FOXP2: variants seen among roughly 807,000 people sequenced by gnomAD.
FOXP2 encodes the protein forkhead box P2.
A neutral mutation model predicts 115.8 loss-of-function variants in FOXP2; 12 were observed. The observed-to-expected ratio is 0.10, with a 90% CI of 0.07 to 0.17. The LOEUF is 0.17. Ranked by LOEUF, FOXP2 falls within the 10% of genes least tolerant of loss-of-function variation. FOXP2 has a pLI of 1.00. For missense variants in FOXP2, 629 were observed against 843.5 expected (o/e 0.75, Z 3.15); for synonymous variants, 328 against 297.7 (o/e 1.10, Z -1.05).
At chr7:114,470,579 T>C (rs1168891114) in intron 2 of FOXP2, among the ~76,000 whole-genome samples, 1 of 152,198 alleles carries the variant, frequency 6.6e-6, no homozygotes, top group East Asian at 1.9e-4. Context: ...ACGTAGTAGA[T>C]GTTGGGTCTC....
At chr7:114,094,070 G>T (rs1799595447) in intron 1 of FOXP2, among the ~76,000 whole-genome samples, 1 of 152,102 alleles carries the variant, frequency 6.6e-6, no homozygotes, top group African/African-American at 2.4e-5. Context: ...GGTCAAATCA[G>T]GATCTCTTCT....
At chr7:114,183,016 A>T (rs531424859) in intron 1 of FOXP2, among the ~76,000 whole-genome samples, 3 of 152,144 alleles carry the variant, frequency 2.0e-5, no homozygotes, top group Admixed American at 1.3e-4. Flanking sequence ...CAAAGAGCAC[A>T]TTCCACAGAT....
intron 2 of FOXP2, among the ~76,000 whole-genome samples, chr7:114,466,630 G>A (rs1485232388): frequency 6.6e-6 from 1 of 152,152 alleles, no homozygotes; most frequent in African/African-American, 2.4e-5. Context: ...TCTTGGATTT[G>A]TAAGCTGTCA....
chr7:114,566,984 A>T (rs1480378426), intron 3 of FOXP2, among the ~76,000 whole-genome samples: 1 of 152,010 alleles, frequency 6.6e-6, no homozygotes, highest in Non-Finnish European at 1.5e-5. Context: ...AAATATGAAC[A>T]CACCTATATT....
At chr7:114,311,008 C>T (rs758393847) in intron 2 of FOXP2, among the ~76,000 whole-genome samples, 1 of 152,102 alleles carries the variant, frequency 6.6e-6, no homozygotes, top group African/African-American at 2.4e-5. Context: ...GGCTGTCTGC[C>T]TGCGCATGCT....
In FOXP2 at chr7:114,449,466, G is replaced by A. The variant is rs1004094615; in HGVS notation, c.168+22787G>A. Among the ~76,000 whole-genome samples the A allele has an allele frequency of 3.3e-5, 5 of 151,966 alleles. 1 individual carries two copies. Among genetic ancestry groups the A allele is most frequent in the South Asian group, 4.2e-4 (2 of 4,816 alleles). On this transcript the variant is annotated intron_variant, in intron 2 of 16. Coordinates refer to ENST00000350908, the MANE Select transcript of FOXP2 (RefSeq NM_014491.4). ...CCCACTCTCCCTGCCCCCAAAACAC[G>A]GTTCCCATTAAGACCGTTTTTTTCT...
At chr7:114,625,544 T>C (rs973502930) in intron 3 of FOXP2, among the ~76,000 whole-genome samples, 4 of 151,858 alleles carry the variant, frequency 2.6e-5, no homozygotes, top group Admixed American at 6.6e-5. Flanking sequence ...TTTATATGTA[T>C]ACAATTAATC....
At chr7:114,249,639 T>C (rs1463432402) in intron 1 of FOXP2, among the ~76,000 whole-genome samples, 1 of 152,074 alleles carries the variant, frequency 6.6e-6, no homozygotes, top group Non-Finnish European at 1.5e-5. Context: ...GTTGATTCCA[T>C]GTCTTTACTA....
At chr7:114,136,351 T>C (rs1048746623) in intron 1 of FOXP2, among the ~76,000 whole-genome samples, 9 of 152,058 alleles carry the variant, frequency 5.9e-5, no homozygotes, top group African/African-American at 2.2e-4. Context: ...ATATGCCAGC[T>C]TCAATTAACT....
chr7:114,376,470 G>T (rs1792139521), intron 2 of FOXP2, among the ~76,000 whole-genome samples: 1 of 152,210 alleles, frequency 6.6e-6, no homozygotes, highest in African/African-American at 2.4e-5. Context: ...GGGAATAATT[G>T]TTGGCTTCAC....
At chr7:114,086,480 C>CCT (rs1554411800), upstream of FOXP2, 38 of 349,368 alleles carry the variant, frequency 1.1e-4, no homozygotes, top group African/African-American at 6.1e-4. Context: ...CGGCCCCCCC[C>CCT]CTCCCCGGGC....
intron 2 of FOXP2, among the ~76,000 whole-genome samples, chr7:114,498,210 T>C (rs1405183914): frequency 6.6e-6 from 1 of 152,206 alleles, no homozygotes; most frequent in East Asian, 1.9e-4. Flanking sequence ...AACTTATGTT[T>C]ATAAATTTAA....
At chr7:114,467,079 T>C (rs535476167) in intron 2 of FOXP2, among the ~76,000 whole-genome samples, 1 of 152,176 alleles carries the variant, frequency 6.6e-6, no homozygotes, top group Non-Finnish European at 1.5e-5. Context: ...TGGTTTCTCT[T>C]TTTCCATAGA....
At chr7:114,180,593 C>T (rs1215173076) in intron 1 of FOXP2, among the ~76,000 whole-genome samples, 10 of 151,978 alleles carry the variant, frequency 6.6e-5, no homozygotes, top group Admixed American at 6.6e-4. Context: ...TTGTCAGCTC[C>T]TGCCCCACAT....
Position 114,663,345 on chromosome 7 carries a change from C to T in FOXP2, c.1770-105C>T. 3.8e-6 allele frequency: 3 copies of T among 799,392 alleles called. No homozygotes were observed. The South Asian group carries it at 4.5e-5, about 12-fold the overall frequency. The allele number at this position is 799,392 out of a possible 1,614,324, so 49.5% of individuals were successfully genotyped here. On this transcript the variant is annotated intron_variant, in intron 14 of 16. Coordinates refer to ENST00000350908, the MANE Select transcript of FOXP2 (RefSeq NM_014491.4). ...TGGCCTTATATACATCCAGTATGGACTATTAGTGTGAGACAAGCCAGAACA... is the reference window on the plus strand; with the variant it reads ...TGGCCTTATATACATCCAGTATGGATTATTAGTGTGAGACAAGCCAGAACA...
intron 1 of FOXP2, among the ~76,000 whole-genome samples, chr7:114,156,332 C>T (rs1173679758): frequency 1.3e-5 from 2 of 152,124 alleles, no homozygotes; most frequent in Non-Finnish European, 2.9e-5. Context: ...CTGCTCATGT[C>T]TGACTAGCTA....
intron 1 of FOXP2, among the ~76,000 whole-genome samples, chr7:114,099,062 G>A (rs1280579395): frequency 6.6e-6 from 1 of 152,106 alleles, no homozygotes; most frequent in Non-Finnish European, 1.5e-5. Flanking sequence ...TTAAGCCCAG[G>A]AGGTTGAGGC....
At chr7:114,537,851 T>C (rs916984809) in intron 3 of FOXP2, among the ~76,000 whole-genome samples, 2 of 151,634 alleles carry the variant, frequency 1.3e-5, no homozygotes, top group African/African-American at 4.8e-5. Flanking sequence ...TAATGGCATA[T>C]TGATGAATAA....
intron 3 of FOXP2, among the ~76,000 whole-genome samples, chr7:114,615,619 A>G (rs904388554): frequency 1.3e-4 from 20 of 152,216 alleles, no homozygotes; most frequent in Admixed American, 5.9e-4. Flanking sequence ...TGTGCCTTCA[A>G]ATTACAGTGT....
Sources: allele counts gnomAD v4.1 joint callset (sites outside exome capture counted in the v4.1 genomes callset), GRCh38; gene constraint gnomAD v4.1.1; transcripts MANE v1.5; gene names NCBI Gene and HGNC (gene_info 2026-07-23, HGNC 2026-07-21).